Variants in ABCG2 observed in about 807,000 individuals in gnomAD.
The protein encoded by ABCG2 is ATP binding cassette subfamily G member 2 (JR blood group).
A neutral mutation model predicts 73.5 loss-of-function variants in ABCG2; 80 were observed. The observed-to-expected ratio is 1.09, with a 90% confidence interval of 0.91 to 1.31. The LOEUF is 1.31. Among genes scored for constraint, ABCG2 ranks in the 50% most tolerant of loss-of-function variants. The probability of loss-of-function intolerance (pLI) is 0.00; values close to 1 mark genes in which losing one functional copy is unlikely to be tolerated. For missense variants in ABCG2, 796 were observed against 786.2 expected (o/e 1.01, Z -0.15); for synonymous variants, 269 against 282.4 (o/e 0.95, Z 0.48).
intron 10 of ABCG2, among the ~76,000 whole-genome samples, chr4:88,105,589 G>C (rs1390261926): frequency 6.6e-6 from 1 of 152,054 alleles, no homozygotes; most frequent in African/African-American, 2.4e-5. Flanking sequence ...CCATATAACA[G>C]GAAAAGCTGA....
chr4:88,120,874 G>A (rs557713664), intron 6 of ABCG2, among the ~76,000 whole-genome samples: 21 of 152,128 alleles, frequency 1.4e-4, no homozygotes, highest in Middle Eastern at 6.8e-3. Context: ...TGGGAGGGAG[G>A]GGCCAGGGGC....
In ABCG2 at chr4:88,152,045, A is replaced by C. The variant is rs9999111; in HGVS notation, c.-20+6341T>G. On this transcript the variant is annotated intron_variant, in intron 1 of 15. Transcript: ENST00000237612. ...GGTCTCAAATCCTTTTCTCACTGTG[A>C]ATTCAATCAACAGATACCAAAATTA... 0.064 allele frequency among the ~76,000 whole-genome samples: 9,814 copies of C among 152,238 alleles called. 349 individuals are homozygous for C. The highest frequency in any genetic ancestry group is 0.076 in the African/African-American group (3,175 of 41,544).
At chr4:88,095,339 A>G (rs530070292) in intron 14 of ABCG2, among the ~76,000 whole-genome samples, 181 bp downstream of exon 14, 2 of 152,290 alleles carry the variant, frequency 1.3e-5, no homozygotes, top group African/African-American at 4.8e-5. Context: ...AAAATAGCAA[A>G]TGACTCCCCA....
chr4:88,133,533 C>T (rs1321387054), intron 2 of ABCG2, among the ~76,000 whole-genome samples: 1 of 152,158 alleles, frequency 6.6e-6, no homozygotes, highest in African/African-American at 2.4e-5. Context: ...GTGGTACATA[C>T]ATAAGCACGT....
intron 9 of ABCG2, 72 bp from the exon 10 acceptor site, chr4:88,107,338 A>C: frequency 9.9e-7 from 1 of 1,008,626 alleles, no homozygotes; most frequent in South Asian, 1.5e-5. Flanking sequence ...CACACCATTT[A>C]TTAGTATAAT....
chr4:88,105,326 T>C (rs1722699992), intron 10 of ABCG2, among the ~76,000 whole-genome samples: 2 of 152,312 alleles, frequency 1.3e-5, no homozygotes, highest in Non-Finnish European at 1.5e-5. Context: ...AAAATGGGGA[T>C]ACTACCATCT....
chr4:88,121,824 A>G (rs762041637), intron 5 of ABCG2, 32 bp from the exon 6 acceptor site: 1 of 1,603,420 alleles, frequency 6.2e-7, no homozygotes, highest in Non-Finnish European at 8.5e-7. Context: ...TGTCAATGAT[A>G]ACAACCAGTC....
At chr4:88,195,560 C>G (rs1413830112) in intron 1 of ABCG2, among the ~76,000 whole-genome samples, 1 of 152,074 alleles carries the variant, frequency 6.6e-6, no homozygotes, top group African/African-American at 2.4e-5. Context: ...CAGCATAAGG[C>G]AGAGTGAGAG....
At chr4:88,153,942 A>T (rs1726738598) in intron 1 of ABCG2, among the ~76,000 whole-genome samples, 1 of 152,202 alleles carries the variant, frequency 6.6e-6, no homozygotes, top group Admixed American at 6.5e-5. Flanking sequence ...TCCACGATGG[A>T]AAGGAAATGT....
At chr4:88,188,152 AGT>A (rs1271642818) in intron 1 of ABCG2, among the ~76,000 whole-genome samples, 4 of 152,200 alleles carry the variant, frequency 2.6e-5, no homozygotes, top group Non-Finnish European at 5.9e-5. Context: ...TTTTGTATAT[AGT>A]ACTATATAAG....
chr4:88,130,091 A>G (rs1724741215), intron 5 of ABCG2, among the ~76,000 whole-genome samples: 1 of 152,236 alleles, frequency 6.6e-6, no homozygotes, highest in Non-Finnish European at 1.5e-5. Context: ...TAATTTGACC[A>G]AATATAATTT....
intron 15 of ABCG2, 70 bp downstream of exon 15, chr4:88,094,507 A>C: frequency 7.4e-7 from 1 of 1,359,078 alleles, no homozygotes; most frequent in Non-Finnish European, 1.1e-6. Context: ...TACAGATCTA[A>C]GCCCAGTAGC....
intron 1 of ABCG2, among the ~76,000 whole-genome samples, chr4:88,202,274 G>A (rs1729198234): frequency 6.9e-6 from 1 of 145,872 alleles, no homozygotes; most frequent in Non-Finnish European, 1.5e-5. Context: ...ACCTTGGGAG[G>A]TCGAGGCAGG....
chr4:88,231,481 C>T (rs1466863256), upstream of ABCG2, among the ~76,000 whole-genome samples: 1 of 152,096 alleles, frequency 6.6e-6, no homozygotes. Flanking sequence ...ATTTTTGTAT[C>T]TTTCTCTTTG....
upstream of ABCG2, chr4:88,159,205 C>T (rs1019520214): frequency 8.8e-6 from 4 of 456,154 alleles, no homozygotes; most frequent in Non-Finnish European, 1.8e-5. Flanking sequence ...TGATCAGTAC[C>T]TCGTCTGACC....
At chr4:88,103,138 T>C (rs1015525829) in intron 10 of ABCG2, among the ~76,000 whole-genome samples, 6 of 152,194 alleles carry the variant, frequency 3.9e-5, no homozygotes, top group African/African-American at 1.4e-4. Flanking sequence ...CCAGGCCTGG[T>C]AGACATGCAG....
intron 14 of ABCG2, 28 bp from the exon 15 acceptor site, chr4:88,094,687 G>A (rs774071668): frequency 1.3e-6 from 2 of 1,568,250 alleles, no homozygotes; most frequent in African/African-American, 1.4e-5. Flanking sequence ...GCAGGGCAAG[G>A]TAAACAGTTT....
chr4:88,228,040 A>AT, intron 1 of ABCG2, among the ~76,000 whole-genome samples: 1 of 152,290 alleles, frequency 6.6e-6, no homozygotes, highest in East Asian at 1.9e-4. Context: ...CTTGACCCAT[A>AT]TACTCCAGGA....
chr4:88,226,434 A>G (rs1730215404), intron 1 of ABCG2, among the ~76,000 whole-genome samples: 1 of 152,236 alleles, frequency 6.6e-6, no homozygotes, highest in Non-Finnish European at 1.5e-5. Flanking sequence ...AACATTTGCT[A>G]TTGGTGTGAA....
Sources: gnomAD v4.1 joint callset for allele counts (sites outside exome capture counted in the v4.1 genomes callset) on GRCh38, gnomAD v4.1.1 for gene constraint, MANE v1.5 for transcripts, NCBI Gene and HGNC (gene_info 2026-07-23, HGNC 2026-07-21) for gene names.